Variants in PACRG observed in about 807,000 individuals in gnomAD.
The protein encoded by PACRG is parkin coregulated gene protein.
In PACRG, 29 loss-of-function variants were observed where a neutral mutation model predicts 29.7. The ratio of observed to expected loss-of-function variants is 0.98; its 90% CI spans 0.73 to 1.33. The LOEUF (loss-of-function observed/expected upper bound fraction) is 1.33. Ranked by LOEUF, PACRG falls within the 40% of genes most tolerant of loss-of-function variation. The pLI, the probability that PACRG is intolerant of heterozygous loss-of-function variation, is 0.00. For synonymous variants in PACRG, 116 were observed against 118.7 expected (o/e 0.98, Z 0.15); for missense variants, 279 against 316.2 (o/e 0.88, Z 0.89).
At chr6:162,897,843 T>A (rs1305721602) in intron 2 of PACRG, among the ~76,000 whole-genome samples, 6 of 152,184 alleles carry the variant, frequency 3.9e-5, no homozygotes, top group Non-Finnish European at 8.8e-5. Context: ...CCCTGGACCA[T>A]TCTGGGATGC....
At chr6:163,265,489 G>A (rs13219871) in intron 4 of PACRG, among the ~76,000 whole-genome samples, 37,153 of 152,078 alleles carry the variant, frequency 0.24, 4,918 homozygotes, top group Admixed American at 0.33. Flanking sequence ...ATGAAGTGAG[G>A]ATAATATTAA....
intron 4 of PACRG, among the ~76,000 whole-genome samples, chr6:163,174,183 G>A (rs149194347): frequency 4.0e-4 from 61 of 152,248 alleles, no homozygotes; most frequent in African/African-American, 1.4e-3. Context: ...ATTGTCTTGG[G>A]CCACACATAA....
chr6:162,741,984 G>A (rs1183315042), intron 1 of PACRG, among the ~76,000 whole-genome samples: 1 of 152,078 alleles, frequency 6.6e-6, no homozygotes, highest in Non-Finnish European at 1.5e-5. Context: ...TCACCATGTT[G>A]TACAATAGAT....
chr6:163,175,744 AAGGAGGAGGAGG>A (rs3061922), intron 4 of PACRG, among the ~76,000 whole-genome samples: 12 of 136,922 alleles, frequency 8.8e-5, no homozygotes, highest in South Asian at 7.5e-4. Flanking sequence ...GCACCTGTCA[AAGGAGGAGGAGG>A]AGGAGGAGGA....
chr6:162,788,481 A>C (rs1784687103), intron 1 of PACRG, among the ~76,000 whole-genome samples: 1 of 152,258 alleles, frequency 6.6e-6, no homozygotes, highest in African/African-American at 2.4e-5. Flanking sequence ...ATCTGTGTGC[A>C]GATTTTCATG....
intron 4 of PACRG, among the ~76,000 whole-genome samples, chr6:163,131,499 C>T (rs976565905): frequency 2.6e-5 from 4 of 152,066 alleles, no homozygotes; most frequent in Non-Finnish European, 5.9e-5. Flanking sequence ...TGGAGAGGCG[C>T]ATAAAACAAA....
chr6:162,814,428 C>A (rs919583088), intron 2 of PACRG, 147 bp downstream of exon 2: 11 of 922,838 alleles, frequency 1.2e-5, no homozygotes, highest in Non-Finnish European at 1.7e-5. Context: ...AGAAAGCCCC[C>A]CTGTGTCAGC....
intron 2 of PACRG, among the ~76,000 whole-genome samples, chr6:162,914,508 G>GTTTTTT (rs3028611): frequency 3.9e-4 from 37 of 95,084 alleles, no homozygotes; most frequent in African/African-American, 5.6e-4. Flanking sequence ...GTACTTTTTT[G>GTTTTTT]TTTTTTTTTT....
chr6:162,777,209 C>T lies in PACRG; in HGVS notation c.157-36938C>T, dbSNP rs1241391782. Among the ~76,000 whole-genome samples, 1 of 152,336 alleles carries T rather than the reference C, an allele frequency of 6.6e-6. No homozygotes were observed. Among genetic ancestry groups the T allele is most frequent in the East Asian group, 1.9e-4 (1 of 5,190 alleles). On this transcript the variant is annotated intron_variant, in intron 1 of 4. Transcript: ENST00000366888. This position sits in a 1 kb window ranked among gnomAD's most constrained non-coding sequence, Gnocchi z 4.0. The stretch of plus-strand genomic sequence containing the variant: ...GCCTCTTCAAAAGTTCAGTATCAGA[C>T]TCACTTGGCTCCCTCGTGCCGGCTG...
chr6:162,927,591 G>A (rs984987929), intron 2 of PACRG, among the ~76,000 whole-genome samples: 2 of 152,054 alleles, frequency 1.3e-5, no homozygotes, highest in Non-Finnish European at 2.9e-5. Context: ...TCATGAGTCG[G>A]AGCTGAACAA....
chr6:162,957,248 G>A, intron 2 of PACRG: 1 of 470,822 alleles, frequency 2.1e-6, no homozygotes, highest in Non-Finnish European at 4.1e-6. Flanking sequence ...CACTTTTGAA[G>A]TGCTTATGCT....
chr6:162,826,990 G>A (rs1000530436), intron 2 of PACRG, among the ~76,000 whole-genome samples: 1 of 152,148 alleles, frequency 6.6e-6, no homozygotes, highest in African/African-American at 2.4e-5. Context: ...TGGATTGGAG[G>A]TAATTTAGTG....
At chr6:163,088,214 C>T (rs1233548124) in intron 3 of PACRG, among the ~76,000 whole-genome samples, 1 of 152,130 alleles carries the variant, frequency 6.6e-6, no homozygotes, top group Non-Finnish European at 1.5e-5. Flanking sequence ...TAGCCTGGGT[C>T]CTTTTGTCCC....
chr6:163,218,906 C>T (rs1222389124), intron 4 of PACRG, among the ~76,000 whole-genome samples: 1 of 152,246 alleles, frequency 6.6e-6, no homozygotes, highest in Non-Finnish European at 1.5e-5. Flanking sequence ...TGGGGAGATG[C>T]CGCAGGCATT....
At chr6:162,727,350 C>A, upstream of PACRG, 1 of 333,574 alleles carries the variant, frequency 3.0e-6, no homozygotes, top group East Asian at 7.8e-5. Flanking sequence ...GGCTTCGGGA[C>A]CCCACACGGT....
At chr6:163,215,748 AT>A (rs1781335716) in intron 4 of PACRG, among the ~76,000 whole-genome samples, 1 of 152,212 alleles carries the variant, frequency 6.6e-6, no homozygotes, top group South Asian at 2.1e-4. Context: ...AAACCCCAAC[AT>A]TTAACTGGGT....
At chr6:162,936,487 G>A (rs367808788) in intron 2 of PACRG, among the ~76,000 whole-genome samples, 1 of 152,176 alleles carries the variant, frequency 6.6e-6, no homozygotes, top group Non-Finnish European at 1.5e-5. Context: ...ATTCCATTGA[G>A]CAAGCATTGC....
intron 2 of PACRG, among the ~76,000 whole-genome samples, chr6:163,017,048 C>T (rs1386499581): frequency 6.6e-6 from 1 of 152,050 alleles, no homozygotes; most frequent in Non-Finnish European, 1.5e-5. Context: ...GAAATACACT[C>T]ATGAAGGAGA....
intron 4 of PACRG, among the ~76,000 whole-genome samples, chr6:163,100,507 C>T (rs971259750): frequency 3.3e-5 from 5 of 152,154 alleles, no homozygotes; most frequent in Admixed American, 3.3e-4. Context: ...TCCAAGGACA[C>T]CAAGGCACGT....
Sources: allele counts gnomAD v4.1 joint callset (sites outside exome capture counted in the v4.1 genomes callset), GRCh38; gene constraint gnomAD v4.1.1; non-coding constraint Gnocchi (gnomAD v3.1); transcripts MANE v1.5; gene names NCBI Gene and HGNC (gene_info 2026-07-23, HGNC 2026-07-21).